C10orf71: variants seen among roughly 807,000 people sequenced by gnomAD.
C10orf71 encodes the protein cardiac-enriched FHL2-interacting protein.
For synonymous variants in C10orf71, 758 were observed against 726.3 expected (o/e 1.04, Z -0.70); for missense variants, 1,869 against 1,804.5 (o/e 1.04, Z -0.65).
rs1172274516 is a variant in C10orf71 at position 49,326,523 on chromosome 10, C to T, written c.3978C>T (p.Asp1326=). ...EGASPEPPPP[D]ALAAPYVLYP... ...CCTCCCCAGAGCCGCCCCCACCGGA[C>T]GCCCTGGCCGCTCCCTATGTGCTGT... Residue 1326 remains aspartate (D), a synonymous_variant, in exon 3 of 3, where the codon GAC becomes GAT. Transcript: ENST00000374144. 3.2e-6 allele frequency: 5 copies of T among 1,550,440 alleles called. No individual in the cohort carries two copies. The highest frequency in any genetic ancestry group is 1.7e-4 in the Middle Eastern group (1 of 5,976).
chr10:49,326,635 G>A lies in C10orf71; in HGVS notation c.4090G>A (p.Gly1364Ser). The change falls in exon 3 of 3, where the codon GGC (glycine) becomes AGC (serine). Residue 1364 changes from glycine (G) to serine (S), a missense_variant. Transcript: ENST00000374144. ...QLSAPTFLRQ[G>S]PRASAARART... ...CTCCGCGCCCACCTTCCTCAGGCAG[G>A]GCCCTCGTGCCTCCGCGGCCCGCGC... The A allele has an allele frequency of 6.5e-7, 1 of 1,550,162 alleles. No homozygotes were observed. The highest frequency in any genetic ancestry group is 8.7e-7 in the Non-Finnish European group (1 of 1,146,846).
rs767531345 is a variant in C10orf71, at chr10:49,324,261, C to T, written c.1716C>T (p.Pro572=). 1.2e-6 allele frequency: 2 copies of T among 1,613,900 alleles called. No homozygotes were observed. The highest frequency in any genetic ancestry group is 2.2e-5 in the South Asian group (2 of 91,066). ...ACCCCACTGCATCACACATCAATCC[C>T]CAGAAGGACCCTACAGCTGACCCCA... ...ADDPTASHIN[P]QKDPTADPSE... Residue 572 remains proline, a synonymous_variant, in exon 3 of 3, where the codon CCC becomes CCT. Coordinates refer to ENST00000374144, the MANE Select transcript of C10orf71 (RefSeq NM_001135196.2).
At position 49,323,043 on chromosome 10, in the gene C10orf71, G is replaced by GCCT. The variant is rs1849127215; in HGVS notation, c.501_503dup (p.Pro168dup). ...GTGAGAGCAGGCCCACTGCCAGCAAGCCTCCGGCTCTGAAAAATCCTCCCA... is the reference window on the plus strand; with the variant it reads ...GTGAGAGCAGGCCCACTGCCAGCAAGCCTCCTCCGGCTCTGAAAAATCCTCCCA... On this transcript the variant is annotated inframe_insertion, in exon 3 of 3. Transcript: ENST00000374144. The GCCT allele has an allele frequency of 6.2e-7, 1 of 1,613,842 alleles. No individual in the cohort carries two copies. The highest frequency in any genetic ancestry group is 1.3e-5 in the African/African-American group (1 of 74,912).
At chr10:49,302,362 G>A (rs958935346) in intron 1 of C10orf71, among the ~76,000 whole-genome samples, 16 of 152,314 alleles carry the variant, frequency 1.1e-4, no homozygotes, top group South Asian at 1.0e-3. Context: ...CAGATCAGCC[G>A]AAGACTGCAG....
At chr10:49,304,464 C>T (rs1040377615) in intron 1 of C10orf71, among the ~76,000 whole-genome samples, 9 of 152,214 alleles carry the variant, frequency 5.9e-5, no homozygotes, top group African/African-American at 1.9e-4. Flanking sequence ...GTTGCAGGAG[C>T]GCCGTCAACA....
chr10:49,319,691 T>G (rs1196610573), intron 2 of C10orf71, among the ~76,000 whole-genome samples: 4 of 7,002 alleles, frequency 5.7e-4, no homozygotes, highest in African/African-American at 1.5e-3. Context: ...GCTATATATA[T>G]ATATATATAT....
intron 1 of C10orf71, among the ~76,000 whole-genome samples, chr10:49,315,076 T>G (rs1848976885): frequency 6.6e-6 from 1 of 152,128 alleles, no homozygotes; most frequent in Non-Finnish European, 1.5e-5. Context: ...AAACCCAGTA[T>G]GCTTTGGGAA....
intron 1 of C10orf71, among the ~76,000 whole-genome samples, chr10:49,304,360 T>C (rs1161017875): frequency 6.6e-6 from 1 of 152,176 alleles, no homozygotes; most frequent in Non-Finnish European, 1.5e-5. Flanking sequence ...TGACCTTCAA[T>C]TTCTCCACCT....
Position 49,323,485 on chromosome 10 carries a change from G to C in C10orf71, c.940G>C (p.Glu314Gln). The change falls in exon 3 of 3, where the codon GAA becomes CAA. Residue 314 changes from glutamate to glutamine, a missense_variant. By Grantham distance (29) the Glu-to-Gln change is conservative. Transcript: ENST00000374144. ...CTATGGGGACACGACCTTGCTAAGA[G>C]AACCCTGTCCTCCTGAGCGCACAGT... ...KHYGDTTLLR[E>Q]PCPPERTVSP... The C allele has an allele frequency of 6.2e-7, 1 of 1,613,834 alleles. No homozygotes were observed. Among genetic ancestry groups the C allele is most frequent in the Non-Finnish European group, 8.5e-7 (1 of 1,179,752 alleles).
Position 49,326,906 on chromosome 10 carries a change from C to T in C10orf71, c.*53C>T. The T allele has an allele frequency of 7.3e-7, 1 of 1,376,214 alleles. No homozygotes were observed. Among genetic ancestry groups the T allele is most frequent in the Non-Finnish European group, 9.6e-7 (1 of 1,045,724 alleles). 85.3% of individuals were successfully genotyped at this position (1,376,214 alleles called of 1,614,324 possible). The stretch of plus-strand genomic sequence containing the variant: ...GATGAACCCAGAGGAGCTTACTTCC[C>T]CCTCCCCCAAAACAAGCAACACACA... On this transcript the variant is annotated 3_prime_UTR_variant, in exon 3 of 3. Transcript: ENST00000374144.
chr10:49,302,128 A>G (rs763213080), intron 1 of C10orf71, among the ~76,000 whole-genome samples: 6 of 152,156 alleles, frequency 3.9e-5, no homozygotes, highest in East Asian at 1.9e-4. Flanking sequence ...AGGCTCTCCA[A>G]TTTGCTTGGG....
chr10:49,305,148 G>A (rs530271825), intron 1 of C10orf71, among the ~76,000 whole-genome samples: 1 of 152,312 alleles, frequency 6.6e-6, no homozygotes, highest in Non-Finnish European at 1.5e-5. Context: ...GACATCTTAT[G>A]GCCATAGGTC....
intron 1 of C10orf71, among the ~76,000 whole-genome samples, chr10:49,302,460 T>C (rs1390048233): frequency 2.6e-5 from 4 of 152,208 alleles, no homozygotes; most frequent in African/African-American, 9.6e-5. Context: ...CCATTTCCCC[T>C]GTGGAAATCA....
At chr10:49,313,322 G>A (rs1848947495) in intron 1 of C10orf71, among the ~76,000 whole-genome samples, 1 of 152,268 alleles carries the variant, frequency 6.6e-6, no homozygotes, top group African/African-American at 2.4e-5. Flanking sequence ...CATGAGCAGA[G>A]GCCCTGAGGC....
chr10:49,299,979 G>T (rs1474481257), intron 1 of C10orf71, among the ~76,000 whole-genome samples: 1 of 152,224 alleles, frequency 6.6e-6, no homozygotes, highest in African/African-American at 2.4e-5. Flanking sequence ...CACCCTGGGA[G>T]GGCCCCCACC....
In C10orf71 at chr10:49,325,567, G is replaced by A. The variant is rs187842723; in HGVS notation, c.3022G>A (p.Glu1008Lys). 64 of 1,550,768 alleles carry A rather than the reference G, an allele frequency of 4.1e-5. No homozygotes were observed. The highest frequency in any genetic ancestry group is 1.7e-4 in the Middle Eastern group (1 of 5,986). ...PWHIPTIALP[E>K]GDIEDQPPPW... ...GCACATCCCCACCATTGCTTTACCC[G>A]AGGGTGACATAGAAGACCAGCCACC... is the stretch of plus-strand genomic sequence containing the variant. The change falls in exon 3 of 3, where the codon GAG (glutamate) becomes AAG (lysine). Residue 1008 changes from glutamate (E) to lysine (K), a missense_variant. Glu to Lys is a moderately conservative substitution (Grantham distance 56). Coordinates refer to ENST00000374144, the MANE Select transcript of C10orf71 (RefSeq NM_001135196.2).
At position 49,325,596 on chromosome 10, in the gene C10orf71, A is replaced by G; in HGVS notation, c.3051A>G (p.Pro1017=). The change falls in exon 3 of 3, where the codon CCA becomes CCG. Residue 1017 remains proline (P), a synonymous_variant. Transcript: ENST00000374144. Reference sequence around the variant, plus strand: ...GTGACATAGAAGACCAGCCACCCCCATGGCAGCCCGAAAACTGTTGGGAAG... The same window carrying G: ...GTGACATAGAAGACCAGCCACCCCCGTGGCAGCCCGAAAACTGTTGGGAAG... ...PEGDIEDQPP[P]WQPENCWEEQ... 1 of 1,551,898 alleles carries G rather than the reference A, an allele frequency of 6.4e-7. No homozygotes were observed. The highest frequency in any genetic ancestry group is 1.2e-5 in the South Asian group (1 of 84,060).
Position 49,323,451 on chromosome 10 carries a change from T to C in C10orf71, c.906T>C (p.Ala302=). 6 of 1,613,908 alleles carry C rather than the reference T, an allele frequency of 3.7e-6. No individual in the cohort carries two copies. Among genetic ancestry groups the C allele is most frequent in the Non-Finnish European group, 5.1e-6 (6 of 1,179,866 alleles). Residue 302 remains alanine, a synonymous_variant, in exon 3 of 3, where the codon GCT becomes GCC. Transcript: ENST00000374144. ...CTGGAACCGTCCCAGAAAGCAAAGC[T>C]CCCAAGCACTATGGGGACACGACCT... ...DTAGTVPESK[A]PKHYGDTTLL...
Position 49,322,641 on chromosome 10 carries a change from A to G in C10orf71, c.96A>G (p.Leu32=). Residue 32 remains leucine (L), a synonymous_variant, in exon 3 of 3, where the codon CTA becomes CTG. Transcript: ENST00000374144. The stretch of plus-strand genomic sequence containing the variant: ...ATGCAGACAGGGAGGTGAGCAGCCT[A>G]ACAGACCGGGCATTCCGGAGTTTGT... ...LDDADREVSS[L]TDRAFRSLCI... The G allele has an allele frequency of 6.2e-7, 1 of 1,613,572 alleles. No individual in the cohort carries two copies. The highest frequency in any genetic ancestry group is 2.2e-5 in the East Asian group (1 of 44,860).
Sources: allele counts gnomAD v4.1 joint callset (sites outside exome capture counted in the v4.1 genomes callset), GRCh38; gene constraint gnomAD v4.1.1; transcripts MANE v1.5; gene names NCBI Gene and HGNC (gene_info 2026-07-23, HGNC 2026-07-21).